Variants in MYO3B observed in about 807,000 individuals in gnomAD.
The protein encoded by MYO3B is myosin-IIIb.
MYO3B carries 156 observed loss-of-function variants against 174.6 expected under a neutral mutation model. The ratio of observed to expected loss-of-function variants is 0.89; its 90% CI spans 0.78 to 1.02. The LOEUF is 1.02. MYO3B is among the 50% of genes least tolerant of loss of function. The probability of loss-of-function intolerance (pLI) is 0.00; values close to 1 mark genes in which losing one functional copy is unlikely to be tolerated. For missense variants in MYO3B, 1,632 were observed against 1,639.4 expected (o/e 1.00, Z 0.08); for synonymous variants, 563 against 569.1 (o/e 0.99, Z 0.15).
chr2:170,214,671 G>A, intron 4 of MYO3B, 58 bp from the exon 5 acceptor site: 3 of 1,492,660 alleles, frequency 2.0e-6, no homozygotes, highest in Non-Finnish European at 2.8e-6. Flanking sequence ...TTTAAAATAA[G>A]CATGTAAATT....
intron 1 of MYO3B, among the ~76,000 whole-genome samples, chr2:170,181,284 T>G (rs2092395455): frequency 6.6e-6 from 1 of 152,170 alleles, no homozygotes; most frequent in South Asian, 2.1e-4. Flanking sequence ...AATATTGACC[T>G]TGTTTGTATC....
intron 7 of MYO3B, among the ~76,000 whole-genome samples, chr2:170,266,654 C>T (rs1559346334): frequency 6.6e-6 from 1 of 152,170 alleles, no homozygotes; most frequent in Non-Finnish European, 1.5e-5. Context: ...TGTCACAATA[C>T]CTAGGGGTCT....
At chr2:170,549,285 G>A (rs929014022) in intron 32 of MYO3B, among the ~76,000 whole-genome samples, 6 of 152,064 alleles carry the variant, frequency 3.9e-5, no homozygotes, top group East Asian at 1.9e-4. Context: ...CCTTAATCAC[G>A]TTTCTTTTTG....
At position 170,357,829 on chromosome 2, in the gene MYO3B, G is replaced by A. The variant is rs143615607; in HGVS notation, c.816-11393G>A. Among the ~76,000 whole-genome samples, 541 of 152,262 alleles carry A rather than the reference G, an allele frequency of 3.6e-3. 5 individuals are homozygous for A. The highest frequency in any genetic ancestry group is 0.025 in the South Asian group (121 of 4,828). ...CATAAAAGCTTGTACAGAAATGTTC[G>A]TAGTAGCAATAATTCATAATAGCTT... is the stretch of plus-strand genomic sequence containing the variant. On this transcript the variant is annotated intron_variant, in intron 8 of 34. Coordinates refer to ENST00000408978, the MANE Select transcript of MYO3B (RefSeq NM_138995.5).
chr2:170,310,293 T>C (rs2093729099), intron 7 of MYO3B, among the ~76,000 whole-genome samples: 1 of 152,184 alleles, frequency 6.6e-6, no homozygotes, highest in African/African-American at 2.4e-5. Flanking sequence ...CCTGAGAATC[T>C]GTGCTCAAGG....
At chr2:170,433,841 A>G (rs1558996829) in intron 22 of MYO3B, among the ~76,000 whole-genome samples, 1 of 152,202 alleles carries the variant, frequency 6.6e-6, no homozygotes, top group Non-Finnish European at 1.5e-5. Context: ...CTTACAATAT[A>G]TCCCTGTCGT....
chr2:170,220,072 C>T (rs936568500), intron 6 of MYO3B, among the ~76,000 whole-genome samples: 5 of 151,880 alleles, frequency 3.3e-5, no homozygotes, highest in South Asian at 2.1e-4. Flanking sequence ...TCCTGGCTAA[C>T]ACAGTGAAAC....
intron 32 of MYO3B, among the ~76,000 whole-genome samples, chr2:170,560,256 T>A (rs768176194): frequency 6.6e-6 from 1 of 152,234 alleles, no homozygotes; most frequent in Admixed American, 6.5e-5. Context: ...CTTGAATCTT[T>A]ACTGCATTTG....
chr2:170,335,403 A>C lies in MYO3B; in HGVS notation c.768A>C (p.Leu256Phe). The part of the protein sequence containing the change: ...FKIPRNPPPT[L>F]LHPEKWCEEF... The stretch of plus-strand genomic sequence containing the variant: ...TTTTCAGAAATCCTCCACCTACTTT[A>C]CTTCATCCAGAAAAATGGTGTGAAG... Residue 256 changes from leucine (L) to phenylalanine (F), a missense_variant, in exon 8 of 35, where the codon TTA becomes TTC. By Grantham distance (22) the Leu-to-Phe change is conservative (BLOSUM62 0). Transcript: ENST00000408978. The C allele has an allele frequency of 1.2e-6, 2 of 1,611,376 alleles. No homozygotes were observed. The highest frequency in any genetic ancestry group is 1.7e-6 in the Non-Finnish European group (2 of 1,178,768).
At chr2:170,505,423 G>C (rs780013098) in intron 28 of MYO3B, among the ~76,000 whole-genome samples, 3 of 151,926 alleles carry the variant, frequency 2.0e-5, no homozygotes, top group Non-Finnish European at 4.4e-5. Flanking sequence ...GTTAAAATCC[G>C]AAAAAAATTG....
chr2:170,196,758 C>T (rs1308686640), intron 1 of MYO3B, among the ~76,000 whole-genome samples: 9 of 152,096 alleles, frequency 5.9e-5, no homozygotes, highest in Admixed American at 4.6e-4. Flanking sequence ...TTCAGTTATT[C>T]CTGGGTTAAC....
chr2:170,536,729 A>G (rs766526878), intron 30 of MYO3B, among the ~76,000 whole-genome samples: 1 of 152,216 alleles, frequency 6.6e-6, no homozygotes, highest in Non-Finnish European at 1.5e-5. Context: ...CTCTTCTCTG[A>G]TGTCATTCCT....
intron 9 of MYO3B, among the ~76,000 whole-genome samples, chr2:170,381,541 T>C (rs2094335413): frequency 6.6e-6 from 1 of 152,104 alleles, no homozygotes; most frequent in African/African-American, 2.4e-5. Context: ...TAAACAGTGA[T>C]CAATTATTTG....
intron 25 of MYO3B, among the ~76,000 whole-genome samples, chr2:170,480,737 A>G (rs1685638081): frequency 1.3e-5 from 2 of 152,174 alleles, no homozygotes; most frequent in South Asian, 4.1e-4. Context: ...CCCAGTTGGT[A>G]TCTGCTGCAG....
At chr2:170,423,904 C>T (rs779934145) in intron 22 of MYO3B, among the ~76,000 whole-genome samples, 16 of 152,134 alleles carry the variant, frequency 1.1e-4, no homozygotes, top group Admixed American at 1.0e-3. Context: ...TTAGCAGTTT[C>T]CTTTGTTCTT....
intron 1 of MYO3B, among the ~76,000 whole-genome samples, chr2:170,179,359 T>A (rs1200909210): frequency 6.6e-6 from 1 of 152,192 alleles, no homozygotes; most frequent in East Asian, 1.9e-4. Context: ...GATAGGTGGT[T>A]TGTGAAGAAG....
rs575612602 is a variant in MYO3B at position 170,630,078 on chromosome 2, G to C, written c.3734-21550G>C. On this transcript the variant is annotated intron_variant, in intron 32 of 34. Coordinates refer to ENST00000408978, the MANE Select transcript of MYO3B (RefSeq NM_138995.5). The stretch of plus-strand genomic sequence containing the variant: ...GGTCAGAAAGTGGGTGCAGCCCATG[G>C]AGGGCGAGCTGAAGCAGGGCGGGGC... Among the ~76,000 whole-genome samples the C allele has an allele frequency of 2.0e-5, 3 of 152,328 alleles. No homozygotes were observed. The East Asian group carries it at 5.8e-4, about 29-fold the overall frequency.
chr2:170,627,273 CT>C lies in MYO3B; in HGVS notation c.3734-24353del, dbSNP rs1253955673. On this transcript the variant is annotated intron_variant, in intron 32 of 34. Coordinates refer to ENST00000408978, the MANE Select transcript of MYO3B (RefSeq NM_138995.5). ...TTCTTTTTATTCTTTTTTCTCTAAA[CT>C]TCTCTTCTCACTTCATTTCATTCAT... 7.0e-3 allele frequency among the ~76,000 whole-genome samples: 1,072 copies of C among 152,274 alleles called. 15 individuals are homozygous for C. Among genetic ancestry groups the C allele is most frequent in the African/African-American group, 0.025 (1,023 of 41,544 alleles).
At chr2:170,249,588 C>G (rs372725312) in intron 7 of MYO3B, among the ~76,000 whole-genome samples, 12 of 152,110 alleles carry the variant, frequency 7.9e-5, no homozygotes, top group African/African-American at 2.7e-4. Flanking sequence ...AATCAAAAAA[C>G]AAGAAAAACA....
Sources: allele counts gnomAD v4.1 joint callset (sites outside exome capture counted in the v4.1 genomes callset), GRCh38; gene constraint gnomAD v4.1.1; transcripts MANE v1.5; gene names NCBI Gene and HGNC (gene_info 2026-07-23, HGNC 2026-07-21).